Variants in ZNF445 observed in about 807,000 individuals in gnomAD.
ZNF445 encodes zinc finger protein 445, also known as zinc finger protein 168.
Under a neutral mutation model 93.9 loss-of-function variants are expected in ZNF445, and 19 were observed. The ratio of observed to expected loss-of-function variants is 0.20; its 90% CI spans 0.14 to 0.30. The LOEUF (loss-of-function observed/expected upper bound fraction) is 0.30. ZNF445 is among the 10% of genes least tolerant of loss of function. The pLI, the probability that ZNF445 is intolerant of heterozygous loss-of-function variation, is 1.00. For synonymous variants in ZNF445, 449 were observed against 446.3 expected (o/e 1.01, Z -0.08); for missense variants, 1,058 against 1,259.4 (o/e 0.84, Z 2.42).
In ZNF445 at chr3:44,446,872, G is replaced by A. The variant is rs2125678112; in HGVS notation, c.2799C>T (p.Ser933=). The stretch of plus-strand genomic sequence containing the variant: ...GTAATCTCAACTTTGTGTCCTGAGA[G>A]GAAGACCGTGCAGGCGGGCTACGTT... ...QAERSPPARS[S]SQDTKLRLQK... Residue 933 remains serine, a synonymous_variant, in exon 8 of 8, where the codon TCC becomes TCT. Coordinates refer to ENST00000396077, the MANE Select transcript of ZNF445 (RefSeq NM_181489.6). The surrounding 1 kb of genome is among the most constrained non-coding windows in gnomAD (Gnocchi z 4.2). 1 of 1,614,194 alleles carries A rather than the reference G, an allele frequency of 6.2e-7. No homozygotes were observed. The highest frequency in any genetic ancestry group is 8.5e-7 in the Non-Finnish European group (1 of 1,180,046).
chr3:44,448,080 G>T lies in ZNF445; in HGVS notation c.1591C>A (p.His531Asn). 6.2e-7 allele frequency: 1 copy of T among 1,612,872 alleles called. No individual in the cohort carries two copies. Residue 531 changes from histidine (H) to asparagine (N), a missense_variant, in exon 8 of 8, where the codon CAT becomes AAT. His to Asn is a moderately conservative substitution (Grantham distance 68, BLOSUM62 1). This residue lies in a region of ZNF445 where 657 missense variants were observed against 746.4 expected (regional missense o/e 0.88). Transcript: ENST00000396077. The stretch of plus-strand genomic sequence containing the variant: ...TTCACTCCAGTGTGAATTTTCTCAT[G>T]CCGCGCACAGTTGGAACTCCACCGG... ...AFRWSSNCAR[H>N]EKIHTGVKPY...
chr3:44,476,990 G>A (rs980889115), intron 1 of ZNF445, among the ~76,000 whole-genome samples: 1 of 152,150 alleles, frequency 6.6e-6, no homozygotes, highest in Non-Finnish European at 1.5e-5. Flanking sequence ...ACAAATTCAG[G>A]AGATTATAAT....
At position 44,450,914 on chromosome 3, in the gene ZNF445, G is replaced by C; in HGVS notation, c.647C>G (p.Pro216Arg). 1 of 1,599,320 alleles carries C rather than the reference G, an allele frequency of 6.3e-7. No individual in the cohort carries two copies. The highest frequency in any genetic ancestry group is 8.5e-7 in the Non-Finnish European group (1 of 1,173,472). The change falls in exon 5 of 8, where the codon CCG becomes CGG. Residue 216 changes from proline (P) to arginine (R), a missense_variant. By Grantham distance (103) the Pro-to-Arg change is moderately radical. Transcript: ENST00000396077. ...CCTGGTTGGTGTTACCTGGTCTCCC[G>C]GGCACCCCTCTCTCGGGAAAAGGGC... ...MPALFPREGC[P>R]GDQVTPTRSL... is the part of the protein sequence containing the mutation.
intron 1 of ZNF445, among the ~76,000 whole-genome samples, chr3:44,470,006 C>T (rs1357705902): frequency 6.6e-5 from 10 of 152,100 alleles, no homozygotes; most frequent in Admixed American, 5.9e-4. Flanking sequence ...CAGCTCACTG[C>T]AGCCTCAAAC....
rs770602125 is a variant in ZNF445 at position 44,450,427 on chromosome 3, T to C, written c.820+20A>G. On this transcript the variant is annotated intron_variant, in intron 6 of 7. Coordinates refer to ENST00000396077, the MANE Select transcript of ZNF445 (RefSeq NM_181489.6). Reference sequence around the variant, plus strand: ...GCAGAAATAAAGATGGATAGAAGCATGAGGATATCGATTACTTACCCAGGG... The same window carrying C: ...GCAGAAATAAAGATGGATAGAAGCACGAGGATATCGATTACTTACCCAGGG... 6 of 1,613,566 alleles carry C rather than the reference T, an allele frequency of 3.7e-6. No homozygotes were observed. The highest frequency in any genetic ancestry group is 5.1e-6 in the Non-Finnish European group (6 of 1,179,632).
chr3:44,473,368 C>T (rs1317480947), intron 1 of ZNF445, among the ~76,000 whole-genome samples: 7 of 151,466 alleles, frequency 4.6e-5, no homozygotes, highest in Non-Finnish European at 7.4e-5. Context: ...GCAGGAGAAT[C>T]GCTTGAACCC....
rs1697840479 is a variant in ZNF445, at chr3:44,443,671, G to C, written c.*2904C>G. ...CTGAGGAGGCTGAGGCAGGAGAATGGTGTGAGCCCAGGAGGCAGAGCTTGC... is the reference window on the plus strand; with the variant it reads ...CTGAGGAGGCTGAGGCAGGAGAATGCTGTGAGCCCAGGAGGCAGAGCTTGC... On this transcript the variant is annotated 3_prime_UTR_variant, in exon 8 of 8. Transcript: ENST00000396077. 6.6e-6 allele frequency: 1 copy of C among 152,054 alleles called. No individual in the cohort carries two copies. Among genetic ancestry groups the C allele is most frequent in the African/African-American group, 2.4e-5 (1 of 41,384 alleles). 9.4% of individuals were successfully genotyped at this position (152,054 alleles called of 1,614,324 possible).
chr3:44,452,020 G>A (rs1697964812), intron 3 of ZNF445, among the ~76,000 whole-genome samples: 2 of 152,302 alleles, frequency 1.3e-5, no homozygotes, highest in South Asian at 2.1e-4. Flanking sequence ...GAGAGGCAAT[G>A]CTAATCATGA....
At chr3:44,451,033 C>G (rs903162813) in intron 4 of ZNF445, 71 bp from the exon 5 acceptor site, 9 of 1,283,740 alleles carry the variant, frequency 7.0e-6, no homozygotes, top group South Asian at 3.0e-5. Context: ...CTCTTCCCCC[C>G]AGTAGAGGAC....
chr3:44,466,099 ATTCAGT>A (rs1698190620), intron 1 of ZNF445, among the ~76,000 whole-genome samples: 1 of 152,158 alleles, frequency 6.6e-6, no homozygotes, highest in Admixed American at 6.5e-5. Flanking sequence ...GAGAAGAGAG[ATTCAGT>A]TGGCCTCAAG....
chr3:44,451,569 G>C (rs1413620490), intron 3 of ZNF445, 87 bp from the exon 4 acceptor site: 2 of 1,430,822 alleles, frequency 1.4e-6, no homozygotes, highest in African/African-American at 2.8e-5. Context: ...ATCTCTGAAG[G>C]ACAAAGGCCG....
intron 1 of ZNF445, among the ~76,000 whole-genome samples, chr3:44,461,348 T>C (rs1698112020): frequency 6.8e-6 from 1 of 146,534 alleles, no homozygotes; most frequent in African/African-American, 2.4e-5. Flanking sequence ...TCAGGAAGAT[T>C]TCGAGGAGGT....
chr3:44,469,114 C>T (rs61518407), intron 1 of ZNF445, among the ~76,000 whole-genome samples: 1,923 of 150,718 alleles, frequency 0.013, 52 homozygotes, highest in African/African-American at 0.044. Flanking sequence ...AATTGTTATA[C>T]ATCAACATAA....
chr3:44,465,908 C>T (rs779794058), intron 1 of ZNF445, among the ~76,000 whole-genome samples: 5 of 151,790 alleles, frequency 3.3e-5, no homozygotes, highest in Non-Finnish European at 5.9e-5. Flanking sequence ...AGTAAGACTT[C>T]GTCTCAAAAA....
chr3:44,449,723 A>G, intron 6 of ZNF445, 100 bp from the exon 7 acceptor site: 1 of 930,770 alleles, frequency 1.1e-6, no homozygotes, highest in East Asian at 2.5e-5. Flanking sequence ...GGTGGGAAAG[A>G]CCAGGAAGGC....
intron 3 of ZNF445, among the ~76,000 whole-genome samples, chr3:44,452,371 A>G (rs1697968993): frequency 1.3e-5 from 2 of 151,994 alleles, no homozygotes; most frequent in Admixed American, 6.6e-5. Flanking sequence ...AAAAAAAAAA[A>G]GAATATGGAA....
At chr3:44,464,701 C>T (rs762015569) in intron 1 of ZNF445, among the ~76,000 whole-genome samples, 12 of 152,110 alleles carry the variant, frequency 7.9e-5, no homozygotes, top group Non-Finnish European at 4.4e-5. Context: ...ACAGATAAGG[C>T]CTTGGGACAT....
Position 44,440,915 on chromosome 3 carries a change from T to G in ZNF445, c.*5660A>C, listed in dbSNP as rs1697800521. The G allele has an allele frequency of 7.3e-6, 1 of 137,438 alleles. No individual in the cohort carries two copies. The highest frequency in any genetic ancestry group is 2.2e-4 in the South Asian group (1 of 4,630). 8.5% of individuals were successfully genotyped at this position (137,438 alleles called of 1,614,324 possible). On this transcript the variant is annotated 3_prime_UTR_variant, in exon 8 of 8. Transcript: ENST00000396077. Reference sequence around the variant, plus strand: ...TTACTTCCTGATGTTGCCATGGCATTTTTTTTTTTTTTTTTTGAGACAGAG... The same window carrying G: ...TTACTTCCTGATGTTGCCATGGCATGTTTTTTTTTTTTTTTTGAGACAGAG...
chr3:44,475,254 G>A (rs1008393638), intron 1 of ZNF445, among the ~76,000 whole-genome samples: 6 of 151,914 alleles, frequency 3.9e-5, no homozygotes, highest in Non-Finnish European at 7.4e-5. Flanking sequence ...GCTGGAGTAC[G>A]ATGGCGTGAC....
Sources: allele counts gnomAD v4.1 joint callset (sites outside exome capture counted in the v4.1 genomes callset), GRCh38; gene constraint gnomAD v4.1.1; regional missense constraint gnomAD v4.1.1; non-coding constraint Gnocchi (gnomAD v3.1); transcripts MANE v1.5; gene names NCBI Gene and HGNC (gene_info 2026-07-23, HGNC 2026-07-21).